Variants in CSMD3 observed in about 807,000 individuals in gnomAD.
CSMD3 encodes the protein CUB and Sushi multiple domains 3.
A neutral mutation model predicts 435.2 loss-of-function variants in CSMD3; 177 were observed. That is an observed-to-expected ratio of 0.41 (90% CI 0.36 to 0.46). The LOEUF is 0.46. Among genes scored for constraint, CSMD3 ranks in the 20% least tolerant of loss-of-function variants. CSMD3 has a pLI of 0.34. For missense variants in CSMD3, 4,265 were observed against 4,504.6 expected (o/e 0.95, Z 1.52); for synonymous variants, 1,656 against 1,520.5 (o/e 1.09, Z -2.07).
At chr8:113,374,181 C>T (rs899911764) in intron 1 of CSMD3, among the ~76,000 whole-genome samples, 2 of 151,968 alleles carry the variant, frequency 1.3e-5, no homozygotes, top group South Asian at 2.1e-4. Context: ...TATATACACA[C>T]TTTGGCATAT....
chr8:112,371,389 A>T (rs1249145785), intron 38 of CSMD3, among the ~76,000 whole-genome samples: 5 of 152,160 alleles, frequency 3.3e-5, no homozygotes. Flanking sequence ...GAAGCAGCAC[A>T]TAAGGTCCTG....
chr8:113,012,162 C>T (rs1162847923), intron 6 of CSMD3, among the ~76,000 whole-genome samples: 1 of 151,720 alleles, frequency 6.6e-6, no homozygotes, highest in Non-Finnish European at 1.5e-5. Context: ...ATAAAAGTAG[C>T]TCTCTTACTT....
intron 13 of CSMD3, among the ~76,000 whole-genome samples, chr8:112,797,896 T>C (rs929764042): frequency 1.2e-4 from 18 of 151,886 alleles, no homozygotes; most frequent in African/African-American, 4.1e-4. Context: ...ATTACCTAAT[T>C]TATATAGGCC....
intron 5 of CSMD3, among the ~76,000 whole-genome samples, chr8:113,021,163 T>A (rs1243889477): frequency 6.6e-6 from 1 of 152,182 alleles, no homozygotes; most frequent in Admixed American, 6.5e-5. Flanking sequence ...TAGGGATGAA[T>A]CTGTTTATTT....
rs559677973 is a variant in CSMD3 at position 112,880,530 on chromosome 8, T to C, written c.1634-21264A>G. Among the ~76,000 whole-genome samples the C allele has an allele frequency of 1.2e-4, 19 of 152,184 alleles. No individual in the cohort carries two copies. In the South Asian group the frequency reaches 1.7e-3, roughly 13 times the overall value. ...AAAGTCAGGATGCATAATCTTAGAA[T>C]AGAAATTCAAAATGGACTTCTAGGC... On this transcript the variant is annotated intron_variant, in intron 10 of 70. Transcript: ENST00000297405.
intron 59 of CSMD3, among the ~76,000 whole-genome samples, chr8:112,278,686 G>T (rs745394627): frequency 3.3e-5 from 5 of 152,084 alleles, no homozygotes; most frequent in Non-Finnish European, 7.3e-5. Context: ...TCACCATGTG[G>T]TGTCCTCCAG....
At chr8:113,098,664 C>T (rs1215428623) in intron 5 of CSMD3, 92 bp downstream of exon 5, 3 of 868,758 alleles carry the variant, frequency 3.5e-6, no homozygotes, top group South Asian at 1.4e-5. Flanking sequence ...TTTTAAATAT[C>T]CAAACCTGTA....
In CSMD3 at chr8:112,609,271, AG is replaced by A. The variant is rs570621564; in HGVS notation, c.3716-22037del. On this transcript the variant is annotated intron_variant, in intron 22 of 70. Coordinates refer to ENST00000297405, the MANE Select transcript of CSMD3 (RefSeq NM_198123.2). ...TATTTGCAAAACATATACTCGATAA[AG>A]GGTTAATATACATTAAATTCAAGAA... Among the ~76,000 whole-genome samples the A allele has an allele frequency of 1.1e-3, 170 of 150,190 alleles. 1 individual carries two copies. The highest frequency in any genetic ancestry group is 4.1e-3 in the African/African-American group (166 of 40,970).
intron 29 of CSMD3, among the ~76,000 whole-genome samples, chr8:112,505,021 C>T (rs563998789): frequency 2.6e-5 from 4 of 152,184 alleles, no homozygotes; most frequent in South Asian, 2.1e-4. Flanking sequence ...GCATTATTTC[C>T]GAACCCAAAG....
chr8:112,498,839 A>T (rs1250462542), intron 30 of CSMD3, among the ~76,000 whole-genome samples: 1 of 150,880 alleles, frequency 6.6e-6, no homozygotes. Flanking sequence ...AACAGGAATC[A>T]GCTCCAAGGT....
intron 1 of CSMD3, among the ~76,000 whole-genome samples, chr8:113,402,565 A>G (rs1008556300): frequency 2.0e-5 from 3 of 151,346 alleles, no homozygotes; most frequent in African/African-American, 7.2e-5. Context: ...GAGGAAATGC[A>G]TTAATACAAG....
intron 1 of CSMD3, among the ~76,000 whole-genome samples, chr8:113,403,169 G>GT (rs2094517721): frequency 6.6e-6 from 1 of 151,102 alleles, no homozygotes; most frequent in Admixed American, 6.6e-5. Flanking sequence ...ATTCATCGTA[G>GT]TTTTTTATAT....
At chr8:113,342,491 A>T (rs1029989415) in intron 1 of CSMD3, among the ~76,000 whole-genome samples, 3 of 152,194 alleles carry the variant, frequency 2.0e-5, no homozygotes, top group African/African-American at 7.2e-5. Context: ...TAAATTGATT[A>T]AATTGATCTG....
chr8:113,119,494 A>C (rs1023647097), intron 4 of CSMD3, among the ~76,000 whole-genome samples: 11 of 152,182 alleles, frequency 7.2e-5, no homozygotes. Flanking sequence ...AACACACTGC[A>C]GTTTGAGATG....
chr8:113,246,498 A>C (rs555184302), intron 3 of CSMD3, among the ~76,000 whole-genome samples: 1 of 152,232 alleles, frequency 6.6e-6, no homozygotes, highest in South Asian at 2.1e-4. Flanking sequence ...AATTCTTTAG[A>C]TATAATTTCC....
At chr8:112,298,350 A>G (rs1820546387) in intron 53 of CSMD3, among the ~76,000 whole-genome samples, 1 of 152,148 alleles carries the variant, frequency 6.6e-6, no homozygotes, top group South Asian at 2.1e-4. Context: ...AAATAGTGCA[A>G]GATACAAAGT....
chr8:112,811,647 A>G (rs2079231807), intron 12 of CSMD3, among the ~76,000 whole-genome samples: 1 of 152,198 alleles, frequency 6.6e-6, no homozygotes, highest in African/African-American at 2.4e-5. Flanking sequence ...AAGCTATATA[A>G]AAAGGGTGAG....
intron 5 of CSMD3, among the ~76,000 whole-genome samples, chr8:113,035,703 C>T (rs1263974263): frequency 5.3e-5 from 8 of 151,392 alleles, no homozygotes; most frequent in Admixed American, 3.9e-4. Flanking sequence ...CAGTCAATAA[C>T]ATTAACAAAA....
At chr8:112,316,489 C>T (rs1429477645) in intron 47 of CSMD3, among the ~76,000 whole-genome samples, 3 of 151,432 alleles carry the variant, frequency 2.0e-5, no homozygotes, top group African/African-American at 7.3e-5. Flanking sequence ...CTGGTATGAT[C>T]CAATATACTT....
Sources: gnomAD v4.1 joint callset for allele counts (sites outside exome capture counted in the v4.1 genomes callset) on GRCh38, gnomAD v4.1.1 for gene constraint, MANE v1.5 for transcripts, NCBI Gene and HGNC (gene_info 2026-07-23, HGNC 2026-07-21) for gene names.